Variants in MSI2 observed in about 807,000 individuals in gnomAD.
MSI2 encodes the protein RNA-binding protein Musashi homolog 2.
Under a neutral mutation model 45.6 loss-of-function variants are expected in MSI2, and 17 were observed. The ratio of observed to expected loss-of-function variants is 0.37; its 90% CI spans 0.26 to 0.56. The LOEUF (loss-of-function observed/expected upper bound fraction) is 0.56. Ranked by LOEUF, MSI2 falls within the 20% of genes least tolerant of loss-of-function variation. The pLI is 0.77. For synonymous variants in MSI2, 156 were observed against 158.2 expected (o/e 0.99, Z 0.11); for missense variants, 293 against 444.2 (o/e 0.66, Z 3.06).
chr17:57,273,876 A>G (rs974408827), intron 5 of MSI2, among the ~76,000 whole-genome samples: 1 of 152,200 alleles, frequency 6.6e-6, no homozygotes, highest in Non-Finnish European at 1.5e-5. Flanking sequence ...GATTGTGTTC[A>G]TGGGAAATAA....
At chr17:57,550,121 C>T (rs1041860141) in intron 7 of MSI2, among the ~76,000 whole-genome samples, 23 of 152,324 alleles carry the variant, frequency 1.5e-4, no homozygotes, top group Admixed American at 1.5e-3. Flanking sequence ...AATTAGAAAT[C>T]TCAATAGGAT....
At chr17:57,302,106 GACTA>G (rs1191125078) in intron 5 of MSI2, among the ~76,000 whole-genome samples, 3 of 152,044 alleles carry the variant, frequency 2.0e-5, no homozygotes, top group African/African-American at 4.8e-5. Context: ...ATTATTGATG[GACTA>G]ACTGATTGGT....
In MSI2 at chr17:57,575,960, A is replaced by AAAAAAAAAG. The variant is rs1567910736; in HGVS notation, c.455-20900_455-20899insGAAAAAAAA. Among the ~76,000 whole-genome samples the AAAAAAAAAG allele has an allele frequency of 8.5e-4, 125 of 146,510 alleles. 1 individual carries two copies. Among genetic ancestry groups the AAAAAAAAAG allele is most frequent in the South Asian group, 3.5e-3 (16 of 4,608 alleles). ...ACTCCGTCTCAAAAAAAAAAAAAAA[A>AAAAAAAAAG]AAAAAAAAAAATTGGAAAAGGAGGC... On this transcript the variant is annotated intron_variant, in intron 7 of 13. Coordinates refer to ENST00000284073, the MANE Select transcript of MSI2 (RefSeq NM_138962.4).
At position 57,529,583 on chromosome 17, in the gene MSI2, G is replaced by T; in HGVS notation, c.406-93G>T. ...ATAAGCAACTATTACTTCTGTAATG[G>T]AAACTACCCCCTCACCCCCCGACAT... On this transcript the variant is annotated intron_variant, in intron 6 of 13. Transcript: ENST00000284073. The surrounding 1 kb of genome is among the most constrained non-coding windows in gnomAD (Gnocchi z 5.3). The T allele has an allele frequency of 8.8e-7, 1 of 1,141,950 alleles. No homozygotes were observed. Among genetic ancestry groups the T allele is most frequent in the Non-Finnish European group, 1.3e-6 (1 of 774,208 alleles). 70.7% of individuals were successfully genotyped at this position (1,141,950 alleles called of 1,614,324 possible).
intron 6 of MSI2, among the ~76,000 whole-genome samples, chr17:57,451,569 G>A (rs989100664): frequency 5.3e-5 from 8 of 152,192 alleles, no homozygotes; most frequent in African/African-American, 1.2e-4. Context: ...GAGAGCAGAG[G>A]CCTCGTAGCT....
rs7212899 is a variant in MSI2 at position 57,631,860 on chromosome 17, G to T, written c.727+4557G>T. On this transcript the variant is annotated intron_variant, in intron 10 of 13. Transcript: ENST00000284073. ...TTAAGAGAGGCATAGCAAAGTGGGG[G>T]TTGCTACCATTTCTAGAGAGAGAGG... 12,344 of 1,611,176 alleles carry T rather than the reference G, an allele frequency of 7.7e-3. 831 individuals are homozygous for T. The African/African-American group carries it at 0.14, about 19-fold the overall frequency.
intron 6 of MSI2, among the ~76,000 whole-genome samples, chr17:57,487,397 GTCTT>G (rs976209040): frequency 6.6e-6 from 1 of 152,184 alleles, no homozygotes; most frequent in African/African-American, 2.4e-5. Context: ...CCAGTTATCA[GTCTT>G]TCTATTGCAC....
At chr17:57,388,679 C>T (rs956743723) in intron 5 of MSI2, among the ~76,000 whole-genome samples, 3 of 152,004 alleles carry the variant, frequency 2.0e-5, no homozygotes, top group Non-Finnish European at 4.4e-5. Flanking sequence ...TTTTTGGAGA[C>T]TTCTTGCTTT....
rs545128528 is a variant in MSI2 at position 57,346,351 on chromosome 17, G to A, written c.313-55028G>A. 8.1e-3 allele frequency among the ~76,000 whole-genome samples: 1,178 copies of A among 145,030 alleles called. 12 individuals are homozygous for A. The highest frequency in any genetic ancestry group is 0.014 in the Non-Finnish European group (952 of 65,746). ...GAGACATGTAAATAACACATTTTGG[G>A]GGGGGGGGTCTGATTTTTTTCTTAA... On this transcript the variant is annotated intron_variant, in intron 5 of 13. Transcript: ENST00000284073.
chr17:57,691,691 C>T, the MSI2 span, among the ~76,000 whole-genome samples: 1 of 152,114 alleles, frequency 6.6e-6, no homozygotes, highest in Non-Finnish European at 1.5e-5. Flanking sequence ...TGTATTTTGA[C>T]CTTCAGCCTT....
At chr17:57,452,679 T>C (rs1043171988) in intron 6 of MSI2, among the ~76,000 whole-genome samples, 1 of 152,260 alleles carries the variant, frequency 6.6e-6, no homozygotes, top group Admixed American at 6.5e-5. Context: ...AGAGAAGGCC[T>C]GAATTCTCTC....
At position 57,596,810 on chromosome 17, in the gene MSI2, G is replaced by T. The variant is rs76635769; in HGVS notation, c.455-58G>T. The T allele has an allele frequency of 4.6e-3, 5,913 of 1,289,406 alleles. 204 individuals are homozygous for T. The African/African-American group carries it at 0.075, about 16-fold the overall frequency. 79.9% of individuals were successfully genotyped at this position (1,289,406 alleles called of 1,614,324 possible). On this transcript the variant is annotated intron_variant, in intron 7 of 13. Transcript: ENST00000284073. This position sits in a 1 kb window ranked among gnomAD's most constrained non-coding sequence, Gnocchi z 4.6. ...GGACGTCAGAGAAAAACCTGGGCCT[G>T]CCAGAACTGAACTCACCCCGCCTCT... is the stretch of plus-strand genomic sequence containing the variant.
chr17:57,286,080 TTTC>T (rs964754794), intron 5 of MSI2: 2 of 1,054,282 alleles, frequency 1.9e-6, no homozygotes, highest in Non-Finnish European at 2.6e-6. Context: ...CCCTTCCTTC[TTTC>T]TTCTTTATTT....
At chr17:57,460,134 A>G (rs1272013158) in intron 6 of MSI2, among the ~76,000 whole-genome samples, 6 of 91,496 alleles carry the variant, frequency 6.6e-5, no homozygotes, top group Non-Finnish European at 1.5e-4. Flanking sequence ...GTCTCAAATA[A>G]ATAAATAAAT....
intron 5 of MSI2, among the ~76,000 whole-genome samples, chr17:57,322,037 T>C (rs1216266512): frequency 6.6e-6 from 1 of 152,180 alleles, no homozygotes; most frequent in Non-Finnish European, 1.5e-5. Flanking sequence ...CCTCAGGTGA[T>C]CCACCCACCT....
chr17:57,654,923 T>G (rs1351176612), intron 11 of MSI2, among the ~76,000 whole-genome samples: 1 of 151,560 alleles, frequency 6.6e-6, no homozygotes, highest in African/African-American at 2.4e-5. Context: ...GGGTTTTTTT[T>G]TTTTTTTTTC....
At chr17:57,461,081 C>T (rs565816201) in intron 6 of MSI2, among the ~76,000 whole-genome samples, 1 of 152,280 alleles carries the variant, frequency 6.6e-6, no homozygotes, top group Non-Finnish European at 1.5e-5. Flanking sequence ...CTCAGTGCCC[C>T]ATTTCCTCTG....
chr17:57,631,718 C>T, intron 10 of MSI2: 2 of 1,277,950 alleles, frequency 1.6e-6, no homozygotes, highest in Admixed American at 1.8e-5. Flanking sequence ...TCCCCTGCTT[C>T]CTCTCTTTTC....
intron 11 of MSI2, among the ~76,000 whole-genome samples, chr17:57,672,757 A>T (rs1912895458): frequency 6.6e-6 from 1 of 152,186 alleles, no homozygotes; most frequent in Admixed American, 6.5e-5. Context: ...CCAGGAGTCC[A>T]CTGTCCAAGC....
Sources: gnomAD v4.1 joint callset for allele counts (sites outside exome capture counted in the v4.1 genomes callset) on GRCh38, gnomAD v4.1.1 for gene constraint, Gnocchi (gnomAD v3.1) non-coding constraint, MANE v1.5 for transcripts, NCBI Gene and HGNC (gene_info 2026-07-23, HGNC 2026-07-21) for gene names.